Variants in DYM observed in about 807,000 individuals in gnomAD.
DYM encodes the protein dyggve-Melchior-Clausen syndrome protein.
Under a neutral mutation model 93.1 loss-of-function variants are expected in DYM, and 78 were observed. The ratio of observed to expected loss-of-function variants is 0.84; its 90% confidence interval spans 0.70 to 1.01. The LOEUF is 1.01. DYM is among the 50% of genes least tolerant of loss of function. The pLI is 0.00. For missense variants in DYM, 789 were observed against 845.0 expected, an observed-to-expected ratio of 0.93 and a Z score of 0.82; for synonymous variants, 321 against 319.7, an observed-to-expected ratio of 1.00 and a Z score of -0.04.
chr18:49,222,881 G>A (rs1031761591), intron 13 of DYM, among the ~76,000 whole-genome samples: 12 of 152,056 alleles, frequency 7.9e-5, no homozygotes, highest in African/African-American at 2.7e-4. Context: ...TAATAAAACC[G>A]TTTAGTCAAA....
At chr18:49,264,042 T>C (rs912646739) in intron 11 of DYM, among the ~76,000 whole-genome samples, 1 of 151,688 alleles carries the variant, frequency 6.6e-6, no homozygotes, top group African/African-American at 2.4e-5. Context: ...TCCTCATTGT[T>C]CTACACTGAT....
chr18:49,111,781 C>T (rs146443472), intron 16 of DYM, among the ~76,000 whole-genome samples: 280 of 152,276 alleles, frequency 1.8e-3, no homozygotes, highest in African/African-American at 6.0e-3. Context: ...TTACTCAGTA[C>T]TTGCTAGGCT....
intron 15 of DYM, among the ~76,000 whole-genome samples, chr18:49,131,460 G>A (rs995296606): frequency 6.6e-6 from 1 of 152,128 alleles, no homozygotes; most frequent in African/African-American, 2.4e-5. Context: ...CCTGAGCTCA[G>A]GCAATCCACT....
rs748587326 is a variant in DYM at position 49,209,622 on chromosome 18, C to T, written c.1554G>A (p.Ser518=). 147 of 1,289,382 alleles carry T rather than the reference C, an allele frequency of 1.1e-4. No individual in the cohort carries two copies. Among genetic ancestry groups the T allele is most frequent in the African/African-American group, 1.7e-4 (11 of 65,742 alleles). 79.9% of individuals were successfully genotyped at this position (1,289,382 alleles called of 1,614,324 possible). Residue 518 remains serine (S), a synonymous_variant, in exon 14 of 18, where the codon TCG becomes TCA. Transcript: ENST00000675505. ...SHCSTLQHCF[S]TLSDNGEELL... is the part of the protein sequence containing the mutation. ...GTTCCTCTCCATTGTCACTGAGGGT[C>T]GAGAAGCAATGCTGAAGCGTAGAAC...
In DYM at chr18:49,221,470, A is replaced by G. The variant is rs970345921; in HGVS notation, c.1461-11755T>C. Among the ~76,000 whole-genome samples, 8 of 152,072 alleles carry G rather than the reference A, an allele frequency of 5.3e-5. No individual in the cohort carries two copies. In the East Asian group the frequency reaches 5.8e-4, roughly 11 times the overall value. The stretch of plus-strand genomic sequence containing the variant: ...ACACATGCACACGTATGTTTATTGC[A>G]GCACTATTCACAATAGCAAAGACTT... On this transcript the variant is annotated intron_variant, in intron 13 of 17. Coordinates refer to ENST00000675505, the MANE Select transcript of DYM (RefSeq NM_001353214.3).
intron 15 of DYM, among the ~76,000 whole-genome samples, chr18:49,146,423 C>A (rs1484605961): frequency 6.6e-6 from 1 of 152,178 alleles, no homozygotes; most frequent in Non-Finnish European, 1.5e-5. Flanking sequence ...TTGCAGATGA[C>A]ATGATTGTAT....
intron 11 of DYM, among the ~76,000 whole-genome samples, chr18:49,259,002 AGGC>A (rs2094448447): frequency 6.6e-6 from 1 of 151,440 alleles, no homozygotes; most frequent in African/African-American, 2.4e-5. Context: ...ACAAACCAAC[AGGC>A]TCAGCCGAGC....
rs1391867168 is a variant in DYM at position 49,163,754 on chromosome 18, T to C, written c.1659A>G (p.Lys553=). The change falls in exon 15 of 18, where the codon AAA becomes AAG. Residue 553 remains lysine, a synonymous_variant. Coordinates refer to ENST00000675505, the MANE Select transcript of DYM (RefSeq NM_001353214.3). The part of the protein sequence containing the change: ...LFSLLSKKHN[K]VLEQATQSLR... Reference sequence around the variant, plus strand: ...AGGACTGTGTGGCTTGTTCCAGAACTTTGTTGTGTTTTTTAGACAGCAAAG... The same window carrying C: ...AGGACTGTGTGGCTTGTTCCAGAACCTTGTTGTGTTTTTTAGACAGCAAAG... 20 of 1,612,130 alleles carry C rather than the reference T, an allele frequency of 1.2e-5. No individual in the cohort carries two copies. Among genetic ancestry groups the C allele is most frequent in the Non-Finnish European group, 1.6e-5 (19 of 1,178,886 alleles).
At chr18:49,059,669 G>A (rs2144607731) in intron 17 of DYM, among the ~76,000 whole-genome samples, 1 of 152,248 alleles carries the variant, frequency 6.6e-6, no homozygotes, top group East Asian at 1.9e-4. Flanking sequence ...GTGGTATGAG[G>A]GAGGGGGCTG....
chr18:49,078,523 C>T (rs1405430651), intron 17 of DYM, among the ~76,000 whole-genome samples: 1 of 152,010 alleles, frequency 6.6e-6, no homozygotes, highest in African/African-American at 2.4e-5. Context: ...ATCCTAAAAA[C>T]CAATGTGATA....
At chr18:49,159,223 G>T (rs1410888730) in intron 15 of DYM, among the ~76,000 whole-genome samples, 1 of 152,106 alleles carries the variant, frequency 6.6e-6, no homozygotes, top group Non-Finnish European at 1.5e-5. Flanking sequence ...TGAGTCAAAT[G>T]AATTTGAGAT....
rs1381643694 is a variant in DYM at position 49,257,147 on chromosome 18, T to C, written c.1366-43A>G. ...GTGTAAAACATACAATCAAGTCTTCTCTATATTTTAACCAAGGTTAACTAT... is the reference window on the plus strand; with the variant it reads ...GTGTAAAACATACAATCAAGTCTTCCCTATATTTTAACCAAGGTTAACTAT... On this transcript the variant is annotated intron_variant, in intron 12 of 17. Coordinates refer to ENST00000675505, the MANE Select transcript of DYM (RefSeq NM_001353214.3). 2.7e-6 allele frequency: 4 copies of C among 1,477,224 alleles called. No homozygotes were observed. In the African/African-American group the frequency reaches 4.2e-5, roughly 15 times the overall value. 91.5% of individuals were successfully genotyped at this position (1,477,224 alleles called of 1,614,324 possible).
intron 3 of DYM, among the ~76,000 whole-genome samples, chr18:49,380,998 C>A (rs972750907): frequency 2.0e-5 from 3 of 148,560 alleles, no homozygotes; most frequent in African/African-American, 7.4e-5. Context: ...ATTTGAACTT[C>A]TTTTTTTTTT....
At chr18:49,097,561 G>A (rs2079663577) in intron 16 of DYM, 46 bp from the exon 17 acceptor site, 1 of 1,489,260 alleles carries the variant, frequency 6.7e-7, no homozygotes, top group Non-Finnish European at 9.3e-7. Context: ...GGTATGAAAT[G>A]TATTTTTAGT....
chr18:49,419,743 AAT>A (rs1219459948), intron 2 of DYM, among the ~76,000 whole-genome samples: 2 of 152,234 alleles, frequency 1.3e-5, no homozygotes, highest in African/African-American at 4.8e-5. Context: ...ACATTTTTAC[AAT>A]AGTCTCCTTA....
chr18:49,074,139 C>A (rs1195113311), intron 17 of DYM, among the ~76,000 whole-genome samples: 1 of 152,214 alleles, frequency 6.6e-6, no homozygotes, highest in Admixed American at 6.5e-5. Context: ...ACACAGTTGG[C>A]TCTCTGTATC....
rs116958373 is a variant in DYM at position 49,436,313 on chromosome 18, G to C, written c.-53-5866C>G. 4.4e-4 allele frequency among the ~76,000 whole-genome samples: 67 copies of C among 152,168 alleles called. 1 individual carries two copies. In the South Asian group the frequency reaches 0.013, roughly 31 times the overall value. On this transcript the variant is annotated intron_variant, in intron 1 of 17. Coordinates refer to ENST00000675505, the MANE Select transcript of DYM (RefSeq NM_001353214.3). ...TTAGAGGTATGAGCCACCTCTCCCA[G>C]CTACCCAATAAATTATTTCTTTCAG...
At chr18:49,395,515 G>C (rs1282179740) in intron 2 of DYM, among the ~76,000 whole-genome samples, 5 of 152,048 alleles carry the variant, frequency 3.3e-5, no homozygotes, top group Non-Finnish European at 7.4e-5. Flanking sequence ...TGTAATTACA[G>C]CTACTCAGGA....
chr18:49,429,840 G>A (rs183779294), intron 2 of DYM, among the ~76,000 whole-genome samples: 1 of 152,210 alleles, frequency 6.6e-6, no homozygotes, highest in East Asian at 1.9e-4. Flanking sequence ...ATACTCCACA[G>A]CCATTAAAAA....
Sources: gnomAD v4.1 joint callset for allele counts (sites outside exome capture counted in the v4.1 genomes callset) on GRCh38, gnomAD v4.1.1 for gene constraint, MANE v1.5 for transcripts, NCBI Gene and HGNC (gene_info 2026-07-23, HGNC 2026-07-21) for gene names.